The following CNPY1 variants were observed in gnomAD, a reference collection of about 807,000 sequenced individuals.
CNPY1 encodes protein canopy homolog 1.
CNPY1 carries 14 observed loss-of-function variants against 14.4 expected under a neutral mutation model. The ratio of observed to expected loss-of-function variants is 0.97; its 90% CI spans 0.64 to 1.52. The LOEUF is 1.52. CNPY1 is among the 40% of genes most tolerant of loss of function. CNPY1 has a pLI of 0.00. For missense variants in CNPY1, 129 were observed against 131.5 expected, an observed-to-expected ratio of 0.98 and a Z score of 0.09; for synonymous variants, 43 against 46.5, an observed-to-expected ratio of 0.92 and a Z score of 0.31.
At position 155,516,602 on chromosome 7, in the gene CNPY1, C is replaced by T. The variant is rs867258441; in HGVS notation, c.100-7505G>A. Among the ~76,000 whole-genome samples the T allele has an allele frequency of 1.7e-4, 26 of 152,294 alleles. No homozygotes were observed. The Middle Eastern group carries it at 0.014, about 80-fold the overall frequency. On this transcript the variant is annotated intron_variant, in intron 2 of 4. Transcript: ENST00000636446. ...GGATGGAAACCCACACAGAAGACTG[C>T]GACCCCAGCCTGGGGCACACCCAGT... is the stretch of plus-strand genomic sequence containing the variant.
At chr7:155,510,025 T>G (rs1260602101) in intron 2 of CNPY1, among the ~76,000 whole-genome samples, 1 of 152,098 alleles carries the variant, frequency 6.6e-6, no homozygotes, top group Non-Finnish European at 1.5e-5. Context: ...TTTGCGGGCT[T>G]TTTCCCTCTC....
chr7:155,529,464 G>A (rs1056581832), intron 2 of CNPY1, among the ~76,000 whole-genome samples: 3 of 152,200 alleles, frequency 2.0e-5, no homozygotes, highest in African/African-American at 7.2e-5. Context: ...CCAACACTGA[G>A]GAACCAGCAG....
chr7:155,543,572 G>A (rs1172080674), intron 2 of CNPY1, among the ~76,000 whole-genome samples: 1 of 152,194 alleles, frequency 6.6e-6, no homozygotes, highest in Non-Finnish European at 1.5e-5. Flanking sequence ...GGAAGACAGT[G>A]GAGCTCTTTG....
chr7:155,528,444 C>T (rs1204464032), intron 2 of CNPY1, among the ~76,000 whole-genome samples: 5 of 152,336 alleles, frequency 3.3e-5, no homozygotes, highest in Non-Finnish European at 4.4e-5. Context: ...GGTTAAGCTA[C>T]GCCGTGGGGG....
At chr7:155,504,689 A>ACACAC (rs1274638625) in intron 4 of CNPY1, among the ~76,000 whole-genome samples, 4 of 145,294 alleles carry the variant, frequency 2.8e-5, no homozygotes, top group African/African-American at 5.1e-5. Flanking sequence ...CATACCCCCC[A>ACACAC]ACACACACAC....
rs35711313 is a variant in CNPY1, at chr7:155,507,471, T to TAAAAAAAAAAAAAAAAAAAAAAAAAAAAA, written c.304-356_304-355insTTTTTTTTTTTTTTTTTTTTTTTTTTTTT. Among the ~76,000 whole-genome samples, 3 of 54,144 alleles carry TAAAAAAAAAAAAAAAAAAAAAAAAAAAAA rather than the reference T, an allele frequency of 5.5e-5. 1 individual carries two copies. The highest frequency in any genetic ancestry group is 3.0e-4 in the African/African-American group (3 of 10,108). 35.5% of individuals were successfully genotyped at this position (54,144 alleles called of 152,430 possible). The stretch of plus-strand genomic sequence containing the variant: ...CTGAAAAGTCCAACGGTTTTTAAAC[T>TAAAAAAAAAAAAAAAAAAAAAAAAAAAAA]AAAAAAAAAAAAAAAAAAAAAAAAA... On this transcript the variant is annotated intron_variant, in intron 3 of 4. Transcript: ENST00000636446.
intron 2 of CNPY1, among the ~76,000 whole-genome samples, chr7:155,521,381 C>T (rs923730020): frequency 6.6e-6 from 1 of 152,172 alleles, no homozygotes; most frequent in Admixed American, 6.5e-5. Context: ...AGAACCTCCC[C>T]AGAGTAGAAA....
At chr7:155,508,811 C>A in intron 3 of CNPY1, 83 bp downstream of exon 3, 2 of 1,436,060 alleles carry the variant, frequency 1.4e-6, no homozygotes, top group South Asian at 1.2e-5. Context: ...AACTCAACCA[C>A]AACAAGAGTA....
chr7:155,546,554 T>A lies in CNPY1; in HGVS notation c.-140A>T, dbSNP rs907012433. 252 of 388,920 alleles carry A rather than the reference T, an allele frequency of 6.5e-4. 2 individuals carry two copies. The highest frequency in any genetic ancestry group is 1.1e-3 in the Non-Finnish European group (233 of 219,822). 24.1% of individuals were successfully genotyped at this position (388,920 alleles called of 1,614,324 possible). On this transcript the variant is annotated 5_prime_UTR_variant, in exon 1 of 5. Coordinates refer to ENST00000636446, the MANE Select transcript of CNPY1 (RefSeq NM_001393663.1). ...TCTTGCTCTGTCACCCAGGCTGGAG[T>A]GCAGTGGTGCAATCTCAGCTCACTG...
chr7:155,545,398 G>C (rs1010961936), intron 2 of CNPY1, among the ~76,000 whole-genome samples: 2 of 152,120 alleles, frequency 1.3e-5, no homozygotes, highest in African/African-American at 2.4e-5. Context: ...CCAACTGTCC[G>C]GTCTATTCCA....
intron 2 of CNPY1, among the ~76,000 whole-genome samples, chr7:155,514,151 C>T (rs953397565): frequency 1.3e-5 from 2 of 152,214 alleles, no homozygotes; most frequent in Non-Finnish European, 2.9e-5. Context: ...GCGGCATAAA[C>T]GGAGCATGAT....
chr7:155,534,042 C>T (rs1304269887), intron 2 of CNPY1, among the ~76,000 whole-genome samples: 1 of 152,162 alleles, frequency 6.6e-6, no homozygotes, highest in African/African-American at 2.4e-5. Context: ...CCCCTGCTGG[C>T]CCCGCCGGGA....
chr7:155,526,095 A>T (rs1172016981), intron 2 of CNPY1, among the ~76,000 whole-genome samples: 1 of 152,244 alleles, frequency 6.6e-6, no homozygotes, highest in African/African-American at 2.4e-5. Flanking sequence ...TGCAGAATTT[A>T]ACAAATATCC....
intron 2 of CNPY1, among the ~76,000 whole-genome samples, chr7:155,522,135 C>T (rs955467225): frequency 2.1e-4 from 32 of 152,390 alleles, no homozygotes; most frequent in African/African-American, 7.2e-4. Flanking sequence ...CTCACCCAGG[C>T]GCTGCATCTT....
chr7:155,528,447 C>T (rs1213500166), intron 2 of CNPY1, among the ~76,000 whole-genome samples: 3 of 152,228 alleles, frequency 2.0e-5, no homozygotes, highest in Non-Finnish European at 2.9e-5. Context: ...TAAGCTACGC[C>T]GTGGGGGGAT....
At chr7:155,513,628 A>G (rs750229476) in intron 2 of CNPY1, among the ~76,000 whole-genome samples, 2 of 152,152 alleles carry the variant, frequency 1.3e-5, no homozygotes, top group Admixed American at 6.5e-5. Flanking sequence ...AAAAAAGGTA[A>G]TAAAATAAGA....
chr7:155,538,772 G>T (rs1797052252), intron 2 of CNPY1, among the ~76,000 whole-genome samples: 1 of 152,150 alleles, frequency 6.6e-6, no homozygotes, highest in Admixed American at 6.5e-5. Flanking sequence ...CACCGCCATG[G>T]GCTGACTCGC....
At chr7:155,527,786 A>G (rs537520320) in intron 2 of CNPY1, among the ~76,000 whole-genome samples, 5 of 152,182 alleles carry the variant, frequency 3.3e-5, no homozygotes, top group South Asian at 2.1e-4. Flanking sequence ...TTGAAAACCC[A>G]CATAGAGTAA....
intron 2 of CNPY1, among the ~76,000 whole-genome samples, chr7:155,535,806 G>C (rs1404211596): frequency 6.6e-6 from 1 of 152,202 alleles, no homozygotes; most frequent in African/African-American, 2.4e-5. Context: ...GCATTCATCT[G>C]TGATTTGGAA....
Sources: allele counts gnomAD v4.1 joint callset (sites outside exome capture counted in the v4.1 genomes callset), GRCh38; gene constraint gnomAD v4.1.1; transcripts MANE v1.5; gene names NCBI Gene and HGNC (gene_info 2026-07-23, HGNC 2026-07-21).